The following THOC1 variants were observed in gnomAD, a reference collection of about 807,000 sequenced individuals.
THOC1 encodes the protein THO complex subunit 1.
Under a neutral mutation model 97.3 loss-of-function variants are expected in THOC1, and 29 were observed. That is an observed-to-expected ratio of 0.30 (90% CI 0.22 to 0.41). The LOEUF is 0.41. Ranked by LOEUF, THOC1 falls within the 10% of genes least tolerant of loss-of-function variation. The pLI is 1.00. For missense variants in THOC1, 529 were observed against 761.9 expected (o/e 0.69, Z 3.60); for synonymous variants, 255 against 257.0 (o/e 0.99, Z 0.07).
At chr18:265,261 T>A (rs1212891795) in intron 3 of THOC1, 42 bp downstream of exon 3, 1 of 1,483,564 alleles carries the variant, frequency 6.7e-7, no homozygotes, top group African/African-American at 1.4e-5. Flanking sequence ...CATGGTTTAT[T>A]AATTTGTCAG....
chr18:248,176 T>A (rs1912156858), intron 9 of THOC1, among the ~76,000 whole-genome samples: 1 of 152,126 alleles, frequency 6.6e-6, no homozygotes, highest in South Asian at 2.1e-4. Context: ...GCCCCTGAAT[T>A]TTGGAAGGAC....
intron 8 of THOC1, among the ~76,000 whole-genome samples, chr18:253,143 A>AG (rs1284294520): frequency 1.3e-5 from 2 of 152,226 alleles, no homozygotes; most frequent in African/African-American, 4.8e-5. Flanking sequence ...GTGGGGAAAA[A>AG]GGGCAGGCAT....
At chr18:218,838 G>T in intron 18 of THOC1, 48 bp downstream of exon 18, 1 of 1,480,130 alleles carries the variant, frequency 6.8e-7, no homozygotes, top group Non-Finnish European at 9.2e-7. Context: ...TCCTAAGGAA[G>T]AAACAAATTG....
At chr18:265,636 T>C (rs972388829) in intron 1 of THOC1, 106 bp from the exon 2 acceptor site, 1 of 861,832 alleles carries the variant, frequency 1.2e-6, no homozygotes, top group African/African-American at 1.7e-5. Flanking sequence ...AAAATGCTTA[T>C]ACCTGGGAAA....
chr18:230,077 C>CT (rs1911432539), intron 11 of THOC1, among the ~76,000 whole-genome samples: 1 of 152,222 alleles, frequency 6.6e-6, no homozygotes, highest in Non-Finnish European at 1.5e-5. Flanking sequence ...GAATGTTCAA[C>CT]TGACACCTGA....
At chr18:236,156 A>G (rs934953380) in intron 11 of THOC1, among the ~76,000 whole-genome samples, 1 of 151,968 alleles carries the variant, frequency 6.6e-6, no homozygotes, top group Non-Finnish European at 1.5e-5. Flanking sequence ...TTCCATCCTA[A>G]TATTTCAATC....
chr18:215,644 T>C, intron 19 of THOC1, 140 bp from the exon 20 acceptor site: 1 of 642,388 alleles, frequency 1.6e-6, no homozygotes, highest in Non-Finnish European at 2.7e-6. Flanking sequence ...TAAATGACAG[T>C]GTCAGGTAAG....
intron 11 of THOC1, among the ~76,000 whole-genome samples, chr18:228,126 G>T (rs1403026802): frequency 1.3e-5 from 2 of 152,108 alleles, no homozygotes; most frequent in African/African-American, 2.4e-5. Flanking sequence ...CAGGCTGTTA[G>T]TTCCTTGCCC....
intron 11 of THOC1, among the ~76,000 whole-genome samples, chr18:233,176 G>A (rs572833713): frequency 6.6e-6 from 1 of 152,196 alleles, no homozygotes; most frequent in African/African-American, 2.4e-5. Flanking sequence ...TAAAAGTCTT[G>A]CTTTTCTCAT....
intron 17 of THOC1, among the ~76,000 whole-genome samples, chr18:222,262 C>T (rs751664920): frequency 6.6e-6 from 1 of 152,070 alleles, no homozygotes; most frequent in Admixed American, 6.5e-5. Flanking sequence ...ACAGTGAATT[C>T]TTGATAAGAT....
At chr18:256,307 A>T (rs1041728318) in intron 7 of THOC1, among the ~76,000 whole-genome samples, 4 of 152,254 alleles carry the variant, frequency 2.6e-5, no homozygotes, top group Non-Finnish European at 5.9e-5. Flanking sequence ...CAAAGGAGGT[A>T]AAAATATTCA....
rs1455345197 is a variant in THOC1 at position 224,132 on chromosome 18, G to A, written c.1256C>T (p.Pro419Leu). ...GGGTCCTTTCCCTAGGAAGTCCTCG[G>A]GTGCTGTTCTCTTCCGAATTATTCT... ...PTRIIRKRTA[P>L]EDFLGKGPTK... Residue 419 changes from proline to leucine, a missense_variant, in exon 16 of 21, where the codon CCC becomes CTC. Pro to Leu is a moderately conservative substitution (Grantham distance 98, BLOSUM62 -3). This residue lies in a region of THOC1 where 123 missense variants were observed against 159.0 expected (regional missense o/e 0.77). Transcript: ENST00000261600. The A allele has an allele frequency of 6.2e-7, 1 of 1,611,312 alleles. No individual in the cohort carries two copies. Among genetic ancestry groups the A allele is most frequent in the Non-Finnish European group, 8.5e-7 (1 of 1,178,778 alleles).
At position 242,673 on chromosome 18, in the gene THOC1, A is replaced by C. The variant is rs1911949579; in HGVS notation, c.918+3651T>G. Reference sequence around the variant, plus strand: ...TAGGCTAAAGAGTTATGCTCCAAATAATCATAGCTTTAGATTTCACTTTAG... The same window carrying C: ...TAGGCTAAAGAGTTATGCTCCAAATCATCATAGCTTTAGATTTCACTTTAG... On this transcript the variant is annotated intron_variant, in intron 11 of 20. Coordinates refer to ENST00000261600, the MANE Select transcript of THOC1 (RefSeq NM_005131.3). This position sits in a 1 kb window ranked among gnomAD's most constrained non-coding sequence, Gnocchi z 4.5. Among the ~76,000 whole-genome samples the C allele has an allele frequency of 6.6e-6, 1 of 152,208 alleles. No homozygotes were observed. Among genetic ancestry groups the C allele is most frequent in the South Asian group, 2.1e-4 (1 of 4,832 alleles).
chr18:266,366 A>G (rs1401658615), intron 1 of THOC1, among the ~76,000 whole-genome samples: 2 of 152,096 alleles, frequency 1.3e-5, no homozygotes, highest in Non-Finnish European at 2.9e-5. Flanking sequence ...GGGTTTTTGT[A>G]GATTTTTACT....
At chr18:236,594 A>G (rs941177758) in intron 11 of THOC1, among the ~76,000 whole-genome samples, 1 of 151,266 alleles carries the variant, frequency 6.6e-6, no homozygotes, top group African/African-American at 2.4e-5. Context: ...CGATCTCCTG[A>G]CCTCGTGATC....
chr18:236,721 C>T (rs1180501526), intron 11 of THOC1, among the ~76,000 whole-genome samples: 1 of 152,088 alleles, frequency 6.6e-6, no homozygotes, highest in Non-Finnish European at 1.5e-5. Context: ...ACCCGGAAGA[C>T]AAATGTACCA....
chr18:230,756 G>A (rs576538140), intron 11 of THOC1, among the ~76,000 whole-genome samples: 27 of 152,008 alleles, frequency 1.8e-4, no homozygotes, highest in Non-Finnish European at 2.6e-4. Flanking sequence ...TATTTTTAGC[G>A]ACAGGGTCTC....
intron 19 of THOC1, 46 bp downstream of exon 19, chr18:216,437 AAAG>A (rs377753565): frequency 1.2e-5 from 19 of 1,574,086 alleles, no homozygotes; most frequent in South Asian, 1.1e-4. Context: ...CAGCAATTTT[AAAG>A]AAGATGTCAA....
chr18:241,935 G>GT (rs1311791579), intron 11 of THOC1, among the ~76,000 whole-genome samples: 1 of 152,192 alleles, frequency 6.6e-6, no homozygotes, highest in Non-Finnish European at 1.5e-5. Flanking sequence ...CAACCCAGGT[G>GT]TATCAGCACT....
Sources: allele counts gnomAD v4.1 joint callset (sites outside exome capture counted in the v4.1 genomes callset), GRCh38; gene constraint gnomAD v4.1.1; regional missense constraint gnomAD v4.1.1; non-coding constraint Gnocchi (gnomAD v3.1); transcripts MANE v1.5; gene names NCBI Gene and HGNC (gene_info 2026-07-23, HGNC 2026-07-21).